PTPRG: variants seen among roughly 807,000 people sequenced by gnomAD.
PTPRG encodes protein tyrosine phosphatase receptor type G, also known as receptor-type tyrosine-protein phosphatase gamma.
In PTPRG, 102 loss-of-function variants were observed where a neutral mutation model predicts 165.3. That is an observed-to-expected ratio of 0.62 (90% confidence interval 0.53 to 0.73). The LOEUF (loss-of-function observed/expected upper bound fraction) is 0.73, where lower values mean the gene tolerates loss of function less well. Ranked by LOEUF, PTPRG falls within the 30% of genes least tolerant of loss-of-function variation. PTPRG has a pLI of 0.00. For synonymous variants in PTPRG, 675 were observed against 669.5 expected, an observed-to-expected ratio of 1.01 and a Z score of -0.13; for missense variants, 1,866 against 1,861.4, an observed-to-expected ratio of 1.00 and a Z score of -0.05.
chr3:61,715,323 C>T (rs1042346598), intron 1 of PTPRG, among the ~76,000 whole-genome samples: 5 of 151,878 alleles, frequency 3.3e-5, no homozygotes, highest in Non-Finnish European at 5.9e-5. Flanking sequence ...CTTAAGCCAT[C>T]CTCCCACTTC....
chr3:61,729,124 G>A (rs1017926125), intron 1 of PTPRG, among the ~76,000 whole-genome samples: 1 of 152,010 alleles, frequency 6.6e-6, no homozygotes, highest in African/African-American at 2.4e-5. Context: ...TAGCTAAAGG[G>A]GCTTACAGAA....
At chr3:61,632,488 C>T (rs1701796357) in intron 1 of PTPRG, among the ~76,000 whole-genome samples, 1 of 152,148 alleles carries the variant, frequency 6.6e-6, no homozygotes, top group Admixed American at 6.5e-5. Flanking sequence ...GGGAAGGCCT[C>T]AGTGAGGAGG....
At chr3:61,818,845 AATAGTGAAATAGTG>A (rs2035870147) in intron 2 of PTPRG, among the ~76,000 whole-genome samples, 1 of 87,952 alleles carries the variant, frequency 1.1e-5, no homozygotes, top group African/African-American at 6.0e-5. Context: ...TGAAATAGTG[AATAGTGAAATAGTG>A]AATAGTGAAA....
intron 7 of PTPRG, among the ~76,000 whole-genome samples, chr3:62,162,120 T>A (rs888137197): frequency 6.6e-6 from 1 of 151,140 alleles, no homozygotes; most frequent in Non-Finnish European, 1.5e-5. Context: ...CCAAGTCTTG[T>A]GGACAGGAGC....
intron 3 of PTPRG, among the ~76,000 whole-genome samples, chr3:61,991,407 T>C (rs575680575): frequency 7.9e-5 from 12 of 152,274 alleles, no homozygotes; most frequent in African/African-American, 2.6e-4. Context: ...AATTTTGCCA[T>C]GTTGGCCTGA....
intron 4 of PTPRG, among the ~76,000 whole-genome samples, chr3:62,039,654 T>A (rs1025865720): frequency 2.6e-4 from 39 of 152,212 alleles, no homozygotes; most frequent in African/African-American, 8.7e-4. Flanking sequence ...CATAGATAGA[T>A]CATTTAAACA....
At position 61,941,845 on chromosome 3, in the gene PTPRG, A is replaced by AT. The variant is rs532873967; in HGVS notation, c.191-47769dup. ...TTTGCTAACCAGCATGTAAGAATAG[A>AT]TTTTTTTTTTTCTTTAGAAAGCCAG... On this transcript the variant is annotated intron_variant, in intron 2 of 29. Transcript: ENST00000474889. Among the ~76,000 whole-genome samples the AT allele has an allele frequency of 2.1e-3, 311 of 148,678 alleles. 2 individuals carry two copies. Among genetic ancestry groups the AT allele is most frequent in the African/African-American group, 6.4e-3 (259 of 40,658 alleles).
At chr3:61,692,599 C>T (rs920139301) in intron 1 of PTPRG, among the ~76,000 whole-genome samples, 1 of 151,816 alleles carries the variant, frequency 6.6e-6, no homozygotes, top group Admixed American at 6.6e-5. Flanking sequence ...GGGGTGGGGC[C>T]GTTTTATAGG....
At chr3:61,676,640 G>C (rs1648650501) in intron 1 of PTPRG, among the ~76,000 whole-genome samples, 1 of 151,722 alleles carries the variant, frequency 6.6e-6, no homozygotes, top group Admixed American at 6.6e-5. Context: ...ACGTGTTGCG[G>C]TTGCATGTGA....
intron 2 of PTPRG, chr3:61,749,428 C>A (rs75596784): frequency 0.014 from 4,053 of 286,564 alleles, 163 homozygotes; most frequent in African/African-American, 0.084. Context: ...ATTTTTAAAT[C>A]ACATCTTGTT....
intron 5 of PTPRG, among the ~76,000 whole-genome samples, chr3:62,107,805 TACTA>T (rs1340885905): frequency 2.0e-5 from 3 of 149,552 alleles, no homozygotes; most frequent in Non-Finnish European, 4.4e-5. Context: ...CTAGCCAATG[TACTA>T]ACTACTTACT....
At chr3:62,125,175 A>T (rs780863684) in intron 5 of PTPRG, among the ~76,000 whole-genome samples, 2 of 152,200 alleles carry the variant, frequency 1.3e-5, no homozygotes. Context: ...TACATATGAT[A>T]CCTACATGAT....
intron 14 of PTPRG, among the ~76,000 whole-genome samples, chr3:62,236,389 C>T (rs1197454201): frequency 6.6e-6 from 1 of 152,214 alleles, no homozygotes; most frequent in African/African-American, 2.4e-5. Context: ...ACGTTTTCAA[C>T]TTTCTATTTG....
chr3:61,773,692 C>G (rs796575593), intron 2 of PTPRG, among the ~76,000 whole-genome samples: 11 of 151,630 alleles, frequency 7.3e-5, no homozygotes, highest in African/African-American at 2.7e-4. Flanking sequence ...ATCCTGAGAT[C>G]TCAAAAAAGA....
intron 2 of PTPRG, among the ~76,000 whole-genome samples, chr3:61,788,458 T>TAACTGCAA (rs1393915008): frequency 2.6e-5 from 4 of 152,358 alleles, no homozygotes; most frequent in Middle Eastern, 3.4e-3. Flanking sequence ...CATTTTGAGA[T>TAACTGCAA]ACCTGCAGCA....
chr3:62,093,288 T>C (rs1204570684), intron 5 of PTPRG, among the ~76,000 whole-genome samples: 1 of 152,108 alleles, frequency 6.6e-6, no homozygotes, highest in Non-Finnish European at 1.5e-5. Flanking sequence ...GGGACTCTAG[T>C]TTTCTTAAAG....
intron 12 of PTPRG, among the ~76,000 whole-genome samples, chr3:62,218,145 G>A (rs565646970): frequency 3.3e-5 from 5 of 152,286 alleles, no homozygotes; most frequent in South Asian, 4.2e-4. Context: ...TGCTCCTGCT[G>A]GGATGTGCTG....
Position 62,255,216 on chromosome 3 carries a change from G to A in PTPRG, c.2559+1G>A. On this transcript the variant is annotated splice_donor_variant, in intron 16 of 29. Coordinates refer to ENST00000474889, the MANE Select transcript of PTPRG (RefSeq NM_002841.4). LOFTEE classifies it high-confidence loss of function. The surrounding 1 kb of genome is among the most constrained non-coding windows in gnomAD (Gnocchi z 4.0). ...GCATGGGTTCTCTGAGGATTTTGAGGTATGTTTCAAGGCTGGAAGTTAACT... is the reference window on the plus strand; with the variant it reads ...GCATGGGTTCTCTGAGGATTTTGAGATATGTTTCAAGGCTGGAAGTTAACT... 1 of 1,609,150 alleles carries A rather than the reference G, an allele frequency of 6.2e-7. No individual in the cohort carries two copies. The highest frequency in any genetic ancestry group is 1.1e-5 in the South Asian group (1 of 90,500).
At chr3:61,985,534 A>G (rs1002667569) in intron 2 of PTPRG, among the ~76,000 whole-genome samples, 12 of 152,290 alleles carry the variant, frequency 7.9e-5, no homozygotes, top group African/African-American at 2.6e-4. Flanking sequence ...ACCCTTTGGT[A>G]TCTGGGTACC....
Sources: allele counts gnomAD v4.1 joint callset (sites outside exome capture counted in the v4.1 genomes callset), GRCh38; gene constraint gnomAD v4.1.1; non-coding constraint Gnocchi (gnomAD v3.1); transcripts MANE v1.5; gene names NCBI Gene and HGNC (gene_info 2026-07-23, HGNC 2026-07-21).